The following CREM variants were observed in gnomAD, a reference collection of about 807,000 sequenced individuals.
CREM encodes the protein cAMP-responsive element modulator.
CREM carries 13 observed loss-of-function variants against 37.3 expected under a neutral mutation model. That is an observed-to-expected ratio of 0.35 (90% CI 0.23 to 0.55). The LOEUF (loss-of-function observed/expected upper bound fraction) is 0.55. Among genes scored for constraint, CREM ranks in the 20% least tolerant of loss-of-function variants. The pLI is 0.88. For synonymous variants in CREM, 124 were observed against 120.2 expected, an observed-to-expected ratio of 1.03 and a Z score of -0.21; for missense variants, 296 against 362.3, an observed-to-expected ratio of 0.82 and a Z score of 1.49.
intron 2 of CREM, among the ~76,000 whole-genome samples, chr10:35,143,124 C>T (rs952723432): frequency 6.6e-6 from 1 of 152,160 alleles, no homozygotes; most frequent in African/African-American, 2.4e-5. Context: ...GCGCCTGCCA[C>T]CACACCTGGC....
intron 3 of CREM, chr10:35,167,768 G>T: frequency 2.5e-6 from 4 of 1,614,136 alleles, no homozygotes; most frequent in Non-Finnish European, 3.4e-6. Flanking sequence ...GCGTCCTATA[G>T]AAGAGGATTA....
At chr10:35,171,759 A>G (rs907492462) in intron 3 of CREM, among the ~76,000 whole-genome samples, 5 of 152,176 alleles carry the variant, frequency 3.3e-5, no homozygotes, top group South Asian at 2.1e-4. Flanking sequence ...ACCTTATTCT[A>G]TGTACTTGGA....
chr10:35,190,028 A>G (rs2094843309), intron 6 of CREM, among the ~76,000 whole-genome samples: 1 of 152,104 alleles, frequency 6.6e-6, no homozygotes, highest in African/African-American at 2.4e-5. Context: ...AATGAAAGCC[A>G]CCTGTTCTAT....
At chr10:35,161,577 C>T (rs183806961) in intron 3 of CREM, among the ~76,000 whole-genome samples, 1 of 151,766 alleles carries the variant, frequency 6.6e-6, no homozygotes, top group East Asian at 1.9e-4. Context: ...GCAGGAGAAT[C>T]ACTTGAACCC....
chr10:35,153,341 G>A (rs1198288438), intron 3 of CREM, among the ~76,000 whole-genome samples: 3 of 152,104 alleles, frequency 2.0e-5, no homozygotes, highest in Non-Finnish European at 4.4e-5. Context: ...AAGCTGCTCA[G>A]CAGATCTCAG....
intron 5 of CREM, among the ~76,000 whole-genome samples, chr10:35,185,337 C>T (rs1350718053): frequency 6.6e-6 from 1 of 152,038 alleles, no homozygotes; most frequent in African/African-American, 2.4e-5. Context: ...CTCCTGACCT[C>T]AGGTGATCCA....
intron 3 of CREM, among the ~76,000 whole-genome samples, chr10:35,175,151 TAA>T (rs891649554): frequency 6.6e-6 from 1 of 152,138 alleles, no homozygotes; most frequent in African/African-American, 2.4e-5. Context: ...ACACATTTAA[TAA>T]AAATAATTCA....
chr10:35,190,621 A>G (rs1436705137), intron 6 of CREM, among the ~76,000 whole-genome samples: 1 of 152,166 alleles, frequency 6.6e-6, no homozygotes, highest in Admixed American at 6.5e-5. Flanking sequence ...GTTTCTAAAT[A>G]GTAGTAGTAA....
intron 3 of CREM, among the ~76,000 whole-genome samples, chr10:35,177,116 C>T (rs2094129004): frequency 6.6e-6 from 1 of 151,730 alleles, no homozygotes; most frequent in South Asian, 2.1e-4. Flanking sequence ...GACACGTATA[C>T]ATAGTATAGT....
At chr10:35,175,719 A>G (rs2094028219) in intron 3 of CREM, 1 of 1,614,168 alleles carries the variant, frequency 6.2e-7, no homozygotes. Context: ...AGTATCCTAG[A>G]TAGTTTGTCA....
rs973296361 is a variant in CREM at position 35,126,960 on chromosome 10, A to C, written c.-288A>C. On this transcript the variant is annotated 5_prime_UTR_variant, in exon 1 of 8. Coordinates refer to ENST00000685392, the MANE Select transcript of CREM (RefSeq NM_183011.2). ...AGGCCGTCCCGGCGTGGGGGAGGGG[A>C]GGACGGGGCGGGAGGACGCGGTTCG... 4.4e-4 allele frequency: 67 copies of C among 151,148 alleles called. No homozygotes were observed. Among genetic ancestry groups the C allele is most frequent in the African/African-American group, 1.6e-3 (64 of 41,064 alleles). The allele number at this position is 151,148 out of a possible 1,614,324, so 9.4% of individuals were successfully genotyped here. A position where few individuals can be genotyped will look rare whatever the true frequency, so the allele number is the denominator to read the frequency against.
intron 3 of CREM, among the ~76,000 whole-genome samples, chr10:35,154,732 C>G (rs1401779915): frequency 6.6e-6 from 1 of 151,950 alleles, no homozygotes; most frequent in Non-Finnish European, 1.5e-5. Flanking sequence ...TCAATAAATG[C>G]TAAATCTGTA....
chr10:35,189,459 A>G (rs1395951537), intron 6 of CREM, among the ~76,000 whole-genome samples: 1 of 152,060 alleles, frequency 6.6e-6, no homozygotes, highest in Admixed American at 6.6e-5. Context: ...AGGATTTAGG[A>G]TATAGCACTA....
At chr10:35,210,545 T>G (rs1268202545) in intron 7 of CREM, 1 of 152,240 alleles carries the variant, frequency 6.6e-6, no homozygotes. Context: ...CTCAGTAGCT[T>G]CTTTTTTATA....
At chr10:35,137,721 T>C (rs2090783728) in intron 1 of CREM, 61 bp from the exon 2 acceptor site, 1 of 647,958 alleles carries the variant, frequency 1.5e-6, no homozygotes, top group Non-Finnish European at 2.5e-6. Context: ...AAAATTTAAT[T>C]TGAGAGTTTT....
At chr10:35,170,183 T>G (rs1395001630) in intron 3 of CREM, among the ~76,000 whole-genome samples, 2 of 152,094 alleles carry the variant, frequency 1.3e-5, no homozygotes, top group Non-Finnish European at 2.9e-5. Context: ...GCCAGGATGG[T>G]CTCTATCTCC....
At position 35,211,586 on chromosome 10, in the gene CREM, T is replaced by C; in HGVS notation, c.*188T>C. On this transcript the variant is annotated 3_prime_UTR_variant, in exon 8 of 8. Coordinates refer to ENST00000685392, the MANE Select transcript of CREM (RefSeq NM_183011.2). Reference sequence around the variant, plus strand: ...GCAGCCGTGATCACACTTACCGAGCTTACTTTGATCTGTTTGTCAATAGCA... The same window carrying C: ...GCAGCCGTGATCACACTTACCGAGCCTACTTTGATCTGTTTGTCAATAGCA... The C allele has an allele frequency of 7.0e-6, 11 of 1,566,588 alleles. No homozygotes were observed. The highest frequency in any genetic ancestry group is 9.5e-6 in the Non-Finnish European group (11 of 1,154,424).
intron 5 of CREM, among the ~76,000 whole-genome samples, chr10:35,187,072 AATAAT>A (rs1564920714): frequency 5.8e-5 from 4 of 68,994 alleles, no homozygotes; most frequent in East Asian, 3.9e-4. Context: ...TAATTAATAT[AATAAT>A]ATATATAATA....
intron 6 of CREM, 125 bp from the exon 7 acceptor site, chr10:35,206,770 A>T (rs80311009): frequency 1.1e-6 from 1 of 889,454 alleles, no homozygotes. Flanking sequence ...CAGAATAATT[A>T]TCTTAAACAT....
Sources: gnomAD v4.1 joint callset for allele counts (sites outside exome capture counted in the v4.1 genomes callset) on GRCh38, gnomAD v4.1.1 for gene constraint, MANE v1.5 for transcripts, NCBI Gene and HGNC (gene_info 2026-07-23, HGNC 2026-07-21) for gene names.